The following UBR1 variants were observed in gnomAD, a reference collection of about 807,000 sequenced individuals.
The protein encoded by UBR1 is ubiquitin protein ligase E3 component n-recognin 1, also known as E3 ubiquitin-protein ligase UBR1.
Under a neutral mutation model 242.1 loss-of-function variants are expected in UBR1, and 102 were observed. The observed-to-expected ratio is 0.42, with a 90% CI of 0.36 to 0.50. The LOEUF is 0.50. Among genes scored for constraint, UBR1 ranks in the 20% least tolerant of loss-of-function variants. The pLI is 0.01. For synonymous variants in UBR1, 675 were observed against 684.8 expected (o/e 0.99, Z 0.22); for missense variants, 1,772 against 2,101.8 (o/e 0.84, Z 3.07).
At chr15:43,034,676 A>G (rs1336625709) in intron 19 of UBR1, among the ~76,000 whole-genome samples, 1 of 152,042 alleles carries the variant, frequency 6.6e-6, no homozygotes, top group Non-Finnish European at 1.5e-5. Flanking sequence ...ACCCGAGGTC[A>G]GAAGTTCGAG....
At chr15:43,052,503 A>G (rs1356938775) in intron 12 of UBR1, among the ~76,000 whole-genome samples, 1 of 152,240 alleles carries the variant, frequency 6.6e-6, no homozygotes, top group Non-Finnish European at 1.5e-5. Flanking sequence ...CAGGCTGAAC[A>G]GAGTACCTAC....
At chr15:42,947,952 AC>A in intron 46 of UBR1, among the ~76,000 whole-genome samples, 1 of 152,162 alleles carries the variant, frequency 6.6e-6, no homozygotes. Flanking sequence ...TTCATATGGA[AC>A]CAAAAAAGAG....
At chr15:43,069,601 A>G (rs997296039) in intron 5 of UBR1, among the ~76,000 whole-genome samples, 4 of 152,324 alleles carry the variant, frequency 2.6e-5, no homozygotes, top group Non-Finnish European at 1.5e-5. Flanking sequence ...AACAATATGT[A>G]ATATACTTTT....
intron 30 of UBR1, among the ~76,000 whole-genome samples, chr15:43,004,413 C>T (rs2032772471): frequency 6.6e-6 from 1 of 152,204 alleles, no homozygotes; most frequent in Non-Finnish European, 1.5e-5. Context: ...CCTCTGATGC[C>T]ACCAAAGTTG....
intron 21 of UBR1, 27 bp downstream of exon 21, chr15:43,029,917 T>C (rs545078317): frequency 5.7e-5 from 92 of 1,613,726 alleles, no homozygotes; most frequent in East Asian, 4.5e-4. Flanking sequence ...TTGAGGTACA[T>C]AGAGATAAAA....
chr15:43,015,027 T>C (rs2032997335), intron 29 of UBR1, among the ~76,000 whole-genome samples: 1 of 144,226 alleles, frequency 6.9e-6, no homozygotes, highest in Non-Finnish European at 1.5e-5. Context: ...AGGTTGGGGG[T>C]CAGCCCCCGC....
At chr15:42,980,733 C>G (rs574875057) in intron 37 of UBR1, among the ~76,000 whole-genome samples, 13 of 152,148 alleles carry the variant, frequency 8.5e-5, no homozygotes, top group Admixed American at 4.6e-4. Flanking sequence ...CTCAGCCTCC[C>G]GAGTAGCCAG....
rs1042315480 is a variant in UBR1 at position 42,944,075 on chromosome 15, A to C, written c.*1254T>G. ...ATGTGAGACACTAATAGCCAAGGGC[A>C]AAATAAGATACAGTCTTTGAATGCA... On this transcript the variant is annotated 3_prime_UTR_variant, in exon 47 of 47. Transcript: ENST00000290650. 4 of 152,286 alleles carry C rather than the reference A, an allele frequency of 2.6e-5. No homozygotes were observed. Among genetic ancestry groups the C allele is most frequent in the African/African-American group, 9.6e-5 (4 of 41,470 alleles). 9.4% of individuals were successfully genotyped at this position (152,286 alleles called of 1,614,324 possible). A position where few individuals can be genotyped will look rare whatever the true frequency, so the allele number is the denominator to read the frequency against.
At chr15:43,021,467 A>G in intron 26 of UBR1, 92 bp from the exon 27 acceptor site, 1 of 1,074,808 alleles carries the variant, frequency 9.3e-7, no homozygotes, top group Non-Finnish European at 1.4e-6. Flanking sequence ...TGTGGACATC[A>G]AAGTCCACTA....
At chr15:42,978,094 CATA>C in intron 37 of UBR1, 147 bp from the exon 38 acceptor site, 4 of 679,498 alleles carry the variant, frequency 5.9e-6, no homozygotes, top group East Asian at 2.8e-5. Context: ...ATATGAAAAC[CATA>C]ATGAGAGACA....
At chr15:43,094,577 A>C (rs536312441) in intron 1 of UBR1, among the ~76,000 whole-genome samples, 3 of 151,956 alleles carry the variant, frequency 2.0e-5, no homozygotes, top group African/African-American at 7.2e-5. Context: ...CCTGCAAGCA[A>C]AGCATTCTTT....
chr15:43,074,828 C>A (rs2033867370), intron 4 of UBR1, 151 bp downstream of exon 4: 1 of 657,410 alleles, frequency 1.5e-6, no homozygotes. Flanking sequence ...TCCTTAGTTT[C>A]TTTGGAGCTA....
chr15:42,974,135 G>A (rs942708997), intron 39 of UBR1, among the ~76,000 whole-genome samples: 3 of 152,038 alleles, frequency 2.0e-5, no homozygotes, highest in Non-Finnish European at 2.9e-5. Flanking sequence ...TGATCTACAC[G>A]CCTCAGCCTC....
intron 6 of UBR1, among the ~76,000 whole-genome samples, chr15:43,062,603 T>A (rs2033702132): frequency 6.6e-6 from 1 of 152,186 alleles, no homozygotes; most frequent in Non-Finnish European, 1.5e-5. Context: ...TTTACCACCA[T>A]TAAAAATGTT....
At chr15:43,087,462 G>A (rs530372196) in intron 1 of UBR1, among the ~76,000 whole-genome samples, 1 of 152,148 alleles carries the variant, frequency 6.6e-6, no homozygotes, top group Admixed American at 6.5e-5. Flanking sequence ...TTCCATAACA[G>A]GTCATTAAGG....
chr15:43,019,585 T>G (rs1174566387), intron 27 of UBR1, among the ~76,000 whole-genome samples: 1 of 149,114 alleles, frequency 6.7e-6, no homozygotes, highest in African/African-American at 2.5e-5. Flanking sequence ...CTTCAGGTTT[T>G]TTTTTTTTTT....
chr15:42,968,879 G>GGT (rs2141261449), intron 40 of UBR1, among the ~76,000 whole-genome samples: 1 of 152,212 alleles, frequency 6.6e-6, no homozygotes, highest in African/African-American at 2.4e-5. Context: ...GATATTCCAT[G>GGT]GTGTGTATGT....
intron 10 of UBR1, 27 bp from the exon 11 acceptor site, chr15:43,056,469 T>C: frequency 6.8e-7 from 1 of 1,480,500 alleles, no homozygotes; most frequent in Non-Finnish European, 9.4e-7. Context: ...GAGAATCAAT[T>C]ATAAATCACT....
chr15:43,084,703 T>C (rs998167127), intron 2 of UBR1, among the ~76,000 whole-genome samples: 1 of 152,184 alleles, frequency 6.6e-6, no homozygotes, highest in African/African-American at 2.4e-5. Context: ...TCCACCTGCC[T>C]CGGCCTCCCA....
Sources: gnomAD v4.1 joint callset for allele counts (sites outside exome capture counted in the v4.1 genomes callset) on GRCh38, gnomAD v4.1.1 for gene constraint, MANE v1.5 for transcripts, NCBI Gene and HGNC (gene_info 2026-07-23, HGNC 2026-07-21) for gene names.